The following CCSER2 variants were observed in gnomAD, a reference collection of about 807,000 sequenced individuals.
CCSER2 encodes the protein serine-rich coiled-coil domain-containing protein 2.
A neutral mutation model predicts 92.3 loss-of-function variants in CCSER2; 46 were observed. The ratio of observed to expected loss-of-function variants is 0.50; its 90% CI spans 0.39 to 0.64. The LOEUF is 0.64. Among genes scored for constraint, CCSER2 ranks in the 30% least tolerant of loss-of-function variants. The probability of loss-of-function intolerance (pLI) is 0.00; values close to 1 mark genes in which losing one functional copy is unlikely to be tolerated. For missense variants in CCSER2, 1,244 were observed against 1,238.9 expected, an observed-to-expected ratio of 1.00 and a Z score of -0.06; for synonymous variants, 433 against 431.4, an observed-to-expected ratio of 1.00 and a Z score of -0.04.
intron 6 of CCSER2, among the ~76,000 whole-genome samples, chr10:84,453,508 A>G (rs901080068): frequency 6.6e-6 from 1 of 152,248 alleles, no homozygotes; most frequent in Admixed American, 6.5e-5. Context: ...TCTCTCGCCA[A>G]CAGCGTGGTC....
At chr10:84,481,117 A>T (rs1847431316) in intron 9 of CCSER2, among the ~76,000 whole-genome samples, 1 of 152,084 alleles carries the variant, frequency 6.6e-6, no homozygotes, top group South Asian at 2.1e-4. Context: ...TGATGTCATT[A>T]GTTTATTTAA....
chr10:84,347,273 T>TTCTC (rs1844544154), intron 1 of CCSER2, among the ~76,000 whole-genome samples: 1 of 152,222 alleles, frequency 6.6e-6, no homozygotes, highest in Non-Finnish European at 1.5e-5. Flanking sequence ...TCATGGCCTG[T>TTCTC]TCTCAATGAG....
chr10:84,388,087 A>C (rs574520772), intron 3 of CCSER2, among the ~76,000 whole-genome samples: 20 of 147,188 alleles, frequency 1.4e-4, no homozygotes, highest in Non-Finnish European at 2.3e-4. Flanking sequence ...CTGGTCTCGA[A>C]CTCCTGACCT....
intron 1 of CCSER2, among the ~76,000 whole-genome samples, chr10:84,343,599 C>T (rs1844321386): frequency 1.3e-5 from 2 of 152,116 alleles, no homozygotes; most frequent in Non-Finnish European, 2.9e-5. Context: ...CATTAAAGGT[C>T]GATTTCCTAA....
At chr10:84,411,885 C>A (rs1022614872) in intron 3 of CCSER2, among the ~76,000 whole-genome samples, 1 of 152,174 alleles carries the variant, frequency 6.6e-6, no homozygotes, top group African/African-American at 2.4e-5. Context: ...TTGTCTTGTG[C>A]TGGTTTTCAA....
chr10:84,387,876 T>G (rs1387480474), intron 3 of CCSER2, among the ~76,000 whole-genome samples: 1 of 151,970 alleles, frequency 6.6e-6, no homozygotes, highest in Non-Finnish European at 1.5e-5. Flanking sequence ...TTTTCTTTTG[T>G]TTTTTTGAGA....
intron 5 of CCSER2, among the ~76,000 whole-genome samples, chr10:84,428,766 T>G (rs1936646195): frequency 6.6e-6 from 1 of 152,114 alleles, no homozygotes; most frequent in African/African-American, 2.4e-5. Flanking sequence ...TTCTATCAGT[T>G]TGAAGTTCCC....
At chr10:84,480,872 G>A (rs1847417531) in intron 9 of CCSER2, among the ~76,000 whole-genome samples, 1 of 152,212 alleles carries the variant, frequency 6.6e-6, no homozygotes, top group South Asian at 2.1e-4. Flanking sequence ...AGTGGTGATG[G>A]TGGTTGCTAT....
At chr10:84,484,178 G>A (rs573763026) in intron 9 of CCSER2, among the ~76,000 whole-genome samples, 3 of 150,740 alleles carry the variant, frequency 2.0e-5, no homozygotes, top group East Asian at 3.9e-4. Flanking sequence ...GGGTTTCACC[G>A]CGTTAGCCAG....
Position 84,365,009 on chromosome 10 carries a change from TG to T in CCSER2, c.-39-6002del, listed in dbSNP as rs769517953. 2.6e-4 allele frequency among the ~76,000 whole-genome samples: 40 copies of T among 152,252 alleles called. 1 individual carries two copies. In the Middle Eastern group the frequency reaches 0.017, roughly 65 times the overall value. On this transcript the variant is annotated intron_variant, in intron 1 of 9. Coordinates refer to ENST00000372088, the MANE Select transcript of CCSER2 (RefSeq NM_001284240.2). ...TACATGCTTCAGCTGCCCAGAGTGCTGGGATTATAGGCGTGAGTCACCACGC... is the reference window on the plus strand; with the variant it reads ...TACATGCTTCAGCTGCCCAGAGTGCTGGATTATAGGCGTGAGTCACCACGC...
At chr10:84,348,501 A>AGAGGGAGAGGGCAAGGGC (rs1360900977) in intron 1 of CCSER2, among the ~76,000 whole-genome samples, 2 of 152,118 alleles carry the variant, frequency 1.3e-5, no homozygotes, top group African/African-American at 4.8e-5. Context: ...GGGGAGAGGA[A>AGAGGGAGAGGGCAAGGGC]GAGGGAGAGG....
intron 9 of CCSER2, among the ~76,000 whole-genome samples, chr10:84,497,107 T>C (rs867172085): frequency 6.6e-6 from 1 of 152,224 alleles, no homozygotes; most frequent in Non-Finnish European, 1.5e-5. Flanking sequence ...ATAGAAGAAT[T>C]TTTAAGATAC....
intron 1 of CCSER2, among the ~76,000 whole-genome samples, chr10:84,333,974 G>A (rs537645199): frequency 9.2e-5 from 14 of 152,314 alleles, no homozygotes; most frequent in African/African-American, 3.4e-4. Context: ...AATATAGGAT[G>A]AAATAATACA....
At chr10:84,474,662 CAAAAAAAAAAAA>C (rs397844899) in intron 8 of CCSER2, among the ~76,000 whole-genome samples, 1 of 65,856 alleles carries the variant, frequency 1.5e-5, no homozygotes, top group African/African-American at 7.0e-5. Context: ...GACTCCATCT[CAAAAAAAAAAAA>C]AAAAAAAAAA....
chr10:84,418,731 A>G (rs1018332214), intron 4 of CCSER2, among the ~76,000 whole-genome samples: 2 of 152,132 alleles, frequency 1.3e-5, no homozygotes, highest in Non-Finnish European at 2.9e-5. Flanking sequence ...CTACAAGCTT[A>G]TATTTGTCAT....
chr10:84,335,724 A>G (rs183374955), intron 1 of CCSER2, among the ~76,000 whole-genome samples: 1 of 152,342 alleles, frequency 6.6e-6, no homozygotes, highest in East Asian at 1.9e-4. Context: ...TGTTGTTGTC[A>G]TCATATTAAT....
chr10:84,507,057 G>A (rs1443228393), intron 9 of CCSER2, among the ~76,000 whole-genome samples: 44 of 152,164 alleles, frequency 2.9e-4, no homozygotes, highest in Admixed American at 2.9e-3. Flanking sequence ...GAGGTTATGA[G>A]TATTTGTACT....
intron 6 of CCSER2, among the ~76,000 whole-genome samples, chr10:84,444,446 T>G (rs148651371): frequency 6.6e-6 from 1 of 152,238 alleles, no homozygotes; most frequent in Non-Finnish European, 1.5e-5. Flanking sequence ...TTCTCTGATA[T>G]ACATTATCTC....
chr10:84,420,882 G>T lies in CCSER2; in HGVS notation c.1705+3021G>T, dbSNP rs548514954. ...CGGGAGGCAGAGATTGCAATGAGCCGAGATCACGCTACTGCACTCCAGCCT... is the reference window on the plus strand; with the variant it reads ...CGGGAGGCAGAGATTGCAATGAGCCTAGATCACGCTACTGCACTCCAGCCT... On this transcript the variant is annotated intron_variant, in intron 4 of 9. Coordinates refer to ENST00000372088, the MANE Select transcript of CCSER2 (RefSeq NM_001284240.2). Among the ~76,000 whole-genome samples, 6 of 148,082 alleles carry T rather than the reference G, an allele frequency of 4.1e-5. No individual in the cohort carries two copies. In the East Asian group the frequency reaches 1.2e-3, roughly 29 times the overall value.
Sources: gnomAD v4.1 joint callset for allele counts (sites outside exome capture counted in the v4.1 genomes callset) on GRCh38, gnomAD v4.1.1 for gene constraint, MANE v1.5 for transcripts, NCBI Gene and HGNC (gene_info 2026-07-23, HGNC 2026-07-21) for gene names.